The following XIRP2 variants were observed in gnomAD, a reference collection of about 807,000 sequenced individuals.
XIRP2 encodes the protein xin actin-binding repeat-containing protein 2.
Under a neutral mutation model 277.0 loss-of-function variants are expected in XIRP2, and 236 were observed. The ratio of observed to expected loss-of-function variants is 0.85; its 90% CI spans 0.77 to 0.95. The LOEUF (loss-of-function observed/expected upper bound fraction) is 0.95. XIRP2 is among the 40% of genes least tolerant of loss of function. The probability of loss-of-function intolerance (pLI) is 0.00; values close to 1 mark genes in which losing one functional copy is unlikely to be tolerated. For synonymous variants in XIRP2, 1,490 were observed against 1,416.5 expected (o/e 1.05, Z -1.17); for missense variants, 4,640 against 4,157.5 (o/e 1.12, Z -3.19).
rs1363023121 is a variant in XIRP2, at chr2:167,258,324, G to C, written c.*507G>C. The C allele has an allele frequency of 1.2e-6, 2 of 1,613,258 alleles. No individual in the cohort carries two copies. The highest frequency in any genetic ancestry group is 1.1e-5 in the South Asian group (1 of 91,062). The stretch of plus-strand genomic sequence containing the variant: ...AGAACTCCAGAAAATAAAGGACAAA[G>C]ACAAGATCACTTTCCATTTTTGCAG... On this transcript the variant is annotated 3_prime_UTR_variant, in exon 11 of 11. Transcript: ENST00000409195.
rs1353640295 is a variant in XIRP2, at chr2:167,251,914, A to G, written c.10522A>G (p.Thr3508Ala). ...TADASATEMR[T>A]TFQEESAFIS... ...AGATGCTTCTGCAACTGAGATGAGA[A>G]CCACCTTCCAAGAGGAATCTGCATT... Residue 3508 changes from threonine (T) to alanine (A), a missense_variant, in exon 9 of 11, where the codon ACC becomes GCC. By Grantham distance (58) the Thr-to-Ala change is moderately conservative. Transcript: ENST00000409195. 6.3e-7 allele frequency: 1 copy of G among 1,575,008 alleles called. No homozygotes were observed. The highest frequency in any genetic ancestry group is 8.6e-7 in the Non-Finnish European group (1 of 1,165,538).
chr2:167,003,034 T>G (rs1222015022), intron 2 of XIRP2, among the ~76,000 whole-genome samples: 3 of 151,598 alleles, frequency 2.0e-5, no homozygotes, highest in African/African-American at 7.3e-5. Context: ...ATTGAACAAT[T>G]TATAAAATAC....
chr2:167,109,148 T>A (rs937227554), intron 2 of XIRP2, among the ~76,000 whole-genome samples: 1 of 152,148 alleles, frequency 6.6e-6, no homozygotes, highest in African/African-American at 2.4e-5. Context: ...TGTGTTAGTT[T>A]GCTTAGGATG....
chr2:166,970,942 A>G (rs1049366499), intron 2 of XIRP2, among the ~76,000 whole-genome samples: 4 of 151,984 alleles, frequency 2.6e-5, no homozygotes, highest in Non-Finnish European at 4.4e-5. Flanking sequence ...TGAGAACTCA[A>G]TATATGGCTA....
At chr2:167,004,665 T>C (rs1371498180) in intron 2 of XIRP2, among the ~76,000 whole-genome samples, 1 of 151,868 alleles carries the variant, frequency 6.6e-6, no homozygotes, top group African/African-American at 2.4e-5. Flanking sequence ...TACAAATGTA[T>C]AGCAGAAACA....
At chr2:167,033,798 AAGAAAAATAG>A (rs1359924349) in intron 2 of XIRP2, among the ~76,000 whole-genome samples, 1 of 152,196 alleles carries the variant, frequency 6.6e-6, no homozygotes, top group Admixed American at 6.6e-5. Flanking sequence ...TCAAACATGA[AAGAAAAATAG>A]ATTTTCTCAG....
chr2:166,903,034 A>G (rs922932611), intron 1 of XIRP2, among the ~76,000 whole-genome samples: 1 of 152,094 alleles, frequency 6.6e-6, no homozygotes, highest in African/African-American at 2.4e-5. Flanking sequence ...TCCAAAGGAA[A>G]TTTTGAACTG....
intron 2 of XIRP2, among the ~76,000 whole-genome samples, chr2:167,125,953 T>C (rs982627532): frequency 6.6e-6 from 1 of 152,172 alleles, no homozygotes; most frequent in Middle Eastern, 3.2e-3. Flanking sequence ...TCCAATATCC[T>C]CCAGGCAGCT....
At chr2:167,204,448 G>T (rs894486144) in intron 3 of XIRP2, among the ~76,000 whole-genome samples, 1 of 152,168 alleles carries the variant, frequency 6.6e-6, no homozygotes, top group African/African-American at 2.4e-5. Flanking sequence ...AATTGGAGTT[G>T]TCACAGAGCC....
chr2:167,177,400 T>C (rs1416090097), intron 3 of XIRP2, among the ~76,000 whole-genome samples: 1 of 152,212 alleles, frequency 6.6e-6, no homozygotes, highest in South Asian at 2.1e-4. Context: ...CTGTTGCAAT[T>C]TCCTGCATCC....
intron 2 of XIRP2, among the ~76,000 whole-genome samples, chr2:166,959,289 G>A (rs75867558): frequency 0.033 from 5,022 of 151,920 alleles, 106 homozygotes; most frequent in East Asian, 0.061. Flanking sequence ...CCTGGAGAAA[G>A]CCAGATAAAA....
At chr2:167,020,865 A>G (rs1574170762) in intron 2 of XIRP2, among the ~76,000 whole-genome samples, 2 of 151,930 alleles carry the variant, frequency 1.3e-5, no homozygotes, top group East Asian at 3.9e-4. Context: ...TTATTTCTAC[A>G]CCTTAATTTA....
chr2:166,936,715 A>G (rs1685527909), intron 2 of XIRP2, among the ~76,000 whole-genome samples: 2 of 152,108 alleles, frequency 1.3e-5, no homozygotes, highest in African/African-American at 4.8e-5. Context: ...CAAAGATCAG[A>G]TGGTTGTAGA....
At chr2:166,914,342 G>A (rs556805962) in intron 2 of XIRP2, among the ~76,000 whole-genome samples, 2 of 151,894 alleles carry the variant, frequency 1.3e-5, no homozygotes, top group East Asian at 3.9e-4. Context: ...TATTTTTTTT[G>A]TTTTGTTTTG....
chr2:166,920,325 G>T (rs534453593), intron 2 of XIRP2, among the ~76,000 whole-genome samples: 2 of 152,262 alleles, frequency 1.3e-5, no homozygotes, highest in East Asian at 3.9e-4. Flanking sequence ...TGGAATTCAA[G>T]TTGATCTCAG....
intron 2 of XIRP2, among the ~76,000 whole-genome samples, chr2:167,017,734 C>T (rs1049373930): frequency 8.0e-4 from 122 of 151,980 alleles, no homozygotes; most frequent in African/African-American, 2.7e-3. Flanking sequence ...ATTAAATTCA[C>T]GTGCCAGATG....
intron 2 of XIRP2, among the ~76,000 whole-genome samples, chr2:166,989,126 G>GCAGA (rs1452855410): frequency 8.9e-6 from 1 of 112,182 alleles, no homozygotes; most frequent in Non-Finnish European, 1.7e-5. Context: ...CTGAGAACGG[G>GCAGA]CAGACTGCCT....
At chr2:167,060,195 G>C (rs202147408) in intron 2 of XIRP2, among the ~76,000 whole-genome samples, 1 of 151,916 alleles carries the variant, frequency 6.6e-6, no homozygotes, top group Admixed American at 6.6e-5. Flanking sequence ...AAATGATAAC[G>C]GGGGAAAAAA....
At chr2:166,934,049 A>G (rs529193156) in intron 2 of XIRP2, among the ~76,000 whole-genome samples, 14 of 152,060 alleles carry the variant, frequency 9.2e-5, no homozygotes, top group African/African-American at 9.7e-5. Flanking sequence ...GTGACCTCCA[A>G]TATTTCCTAC....
Sources: allele counts gnomAD v4.1 joint callset (sites outside exome capture counted in the v4.1 genomes callset), GRCh38; gene constraint gnomAD v4.1.1; transcripts MANE v1.5; gene names NCBI Gene and HGNC (gene_info 2026-07-23, HGNC 2026-07-21).